The following EPPK1 variants were observed in gnomAD, a reference collection of about 807,000 sequenced individuals.
The protein encoded by EPPK1 is epiplakin.
For synonymous variants in EPPK1, 1,862 were observed against 1,721.2 expected (o/e 1.08, Z -2.03); for missense variants, 3,823 against 3,673.3 (o/e 1.04, Z -1.05).
chr8:143,866,678 G>C lies in EPPK1; in HGVS notation c.6576C>G (p.Ile2192Met). 6.2e-7 allele frequency: 1 copy of C among 1,613,240 alleles called. No individual in the cohort carries two copies. Among genetic ancestry groups the C allele is most frequent in the Non-Finnish European group, 8.5e-7 (1 of 1,179,852 alleles). ...TASELLSSAIITEEMLQDLET... is the reference protein window; with the variant it reads ...TASELLSSAIMTEEMLQDLET... ...CCAGGTCCTGGAGCATTTCCTCCGT[G>C]ATTATGGCTGAGCTGAGGAGTTCAG... The change falls in exon 2 of 2, where the codon ATC becomes ATG. Residue 2192 changes from isoleucine to methionine, a missense_variant. Coordinates refer to ENST00000615648, the MANE Select transcript of EPPK1 (RefSeq NM_031308.4).
In EPPK1 at chr8:143,873,008, C is replaced by G. The variant is rs1819407741; in HGVS notation, c.246G>C (p.Gly82=). ...GGCCCCGGGCGAGGTCCACCAGGCC[C>G]CCAGTGGCTGCCTGGGCCTCTAGCA... The part of the protein sequence containing the change: ...QALLEAQAAT[G]GLVDLARGQL... The change falls in exon 2 of 2, where the codon GGG becomes GGC. Residue 82 remains glycine, a synonymous_variant. Transcript: ENST00000615648. 2 of 1,576,120 alleles carry G rather than the reference C, an allele frequency of 1.3e-6. No individual in the cohort carries two copies. Among genetic ancestry groups the G allele is most frequent in the South Asian group, 1.1e-5 (1 of 87,178 alleles).
chr8:143,869,514 C>G lies in EPPK1; in HGVS notation c.3740G>C (p.Cys1247Ser), dbSNP rs531805402. The G allele has an allele frequency of 6.4e-7, 1 of 1,550,824 alleles. No homozygotes were observed. Among genetic ancestry groups the G allele is most frequent in the South Asian group, 1.2e-5 (1 of 84,232 alleles). Residue 1247 changes from cysteine (C) to serine (S), a missense_variant, in exon 2 of 2, where the codon TGC (cysteine) becomes TCC (serine). Cys to Ser is a moderately radical substitution (Grantham distance 112). Transcript: ENST00000615648. ...AVKACLWGTG[C>S]VAGVLLQPSG... is the part of the protein sequence containing the mutation. ...GGGCTGTAGCAGCACACCGGCCACG[C>G]AGCCTGTGCCCCACAGGCAGGCCTT...
At chr8:143,878,366 G>GC (rs1465683325) in intron 1 of EPPK1, 72 bp downstream of exon 1, 1 of 107,756 alleles carries the variant, frequency 9.3e-6, no homozygotes, top group African/African-American at 3.8e-5. Context: ...ACCCGCACCC[G>GC]CCGCACCTGC....
Position 143,869,887 on chromosome 8 carries a change from G to A in EPPK1, c.3367C>T (p.Pro1123Ser). The change falls in exon 2 of 2, where the codon CCC becomes TCC. Residue 1123 changes from proline (P) to serine (S), a missense_variant. Pro to Ser is a moderately conservative substitution (Grantham distance 74, BLOSUM62 -1). Transcript: ENST00000615648. ...CTCCTCTGGACCTGCTCCTCGGTGG[G>A]GAGGGCAGGAGCACTTTCTGGCAGG... ...LPLPESAPAL[P>S]TEEQVQRSLQ... 6.2e-7 allele frequency: 1 copy of A among 1,607,330 alleles called. No homozygotes were observed. The highest frequency in any genetic ancestry group is 8.5e-7 in the Non-Finnish European group (1 of 1,177,616).
rs1554660619 is a variant in EPPK1, at chr8:143,870,087, TG to T, written c.3166del (p.His1056ThrfsTer121). Reference sequence around the variant, plus strand: ...AATGGCCACTGGCATGGGGAGGTGGTGGTGGCTGGTGGGGTCAATGATCCCT... The same window carrying T: ...AATGGCCACTGGCATGGGGAGGTGGTGTGGCTGGTGGGGTCAATGATCCCT... ...TGGIIDPTSH[H>X]HLPMPVAIQR... On this transcript the variant is annotated frameshift_variant, in exon 2 of 2. Transcript: ENST00000615648. LOFTEE classifies it low-confidence loss of function (END_TRUNC). The surrounding 1 kb of genome is among the most constrained non-coding windows in gnomAD (Gnocchi z 5.2). 1 of 1,610,130 alleles carries T rather than the reference TG, an allele frequency of 6.2e-7. No homozygotes were observed. The highest frequency in any genetic ancestry group is 8.5e-7 in the Non-Finnish European group (1 of 1,178,842).
Position 143,867,304 on chromosome 8 carries a change from C to T in EPPK1, c.5950G>A (p.Gly1984Arg). Residue 1984 changes from glycine (G) to arginine (R), a missense_variant, in exon 2 of 2, where the codon GGA becomes AGA. By Grantham distance (125) the Gly-to-Arg change is moderately radical (BLOSUM62 -2). Transcript: ENST00000615648. ...GCCTGGAACAGCGGGATCGTGTCTC[C>T]TGTGGCCGGATCCCTGTAGCCCGTG... Reference protein sequence around the residue: ...AATGYRDPATGDTIPLFQAMQ... With the variant: ...AATGYRDPATRDTIPLFQAMQ... 6.2e-7 allele frequency: 1 copy of T among 1,612,602 alleles called. No homozygotes were observed. The highest frequency in any genetic ancestry group is 8.5e-7 in the Non-Finnish European group (1 of 1,179,732).
rs1554657935 is a variant in EPPK1, at chr8:143,858,039, G to C, written c.15215C>G (p.Ala5072Gly). The change falls in exon 2 of 2, where the codon GCC becomes GGC. Residue 5072 changes from alanine to glycine, a missense_variant. By Grantham distance (60) the Ala-to-Gly change is moderately conservative. Transcript: ENST00000615648. ...NLTYLQLLQR[A>G]TLDPETGLLF... is the part of the protein sequence containing the mutation. The stretch of plus-strand genomic sequence containing the variant: ...GAGCCCCGTCTCAGGGTCCAGGGTG[G>C]CCCTCTGCAGAAGCTGCAGGTACGT... 1 of 1,613,118 alleles carries C rather than the reference G, an allele frequency of 6.2e-7. No individual in the cohort carries two copies. The highest frequency in any genetic ancestry group is 1.1e-5 in the South Asian group (1 of 91,082).
chr8:143,872,167 C>A lies in EPPK1; in HGVS notation c.1087G>T (p.Val363Leu). Residue 363 changes from valine (V) to leucine (L), a missense_variant, in exon 2 of 2, where the codon GTG becomes TTG. Val to Leu is a conservative substitution (Grantham distance 32). Coordinates refer to ENST00000615648, the MANE Select transcript of EPPK1 (RefSeq NM_031308.4). ...HEQLLVAEQA[V>L]TGHHDPFSGS... ...CTGAAGGGGTCGTGGTGCCCTGTCA[C>A]GGCCTGCTCGGCCACCAGGAGCTGC... 6.3e-7 allele frequency: 1 copy of A among 1,587,384 alleles called. No individual in the cohort carries two copies. The highest frequency in any genetic ancestry group is 8.6e-7 in the Non-Finnish European group (1 of 1,167,630).
At position 143,873,043 on chromosome 8, in the gene EPPK1, C is replaced by G; in HGVS notation, c.211G>C (p.Gly71Arg). The change falls in exon 2 of 2, where the codon GGG becomes CGG. Residue 71 changes from glycine to arginine, a missense_variant. Gly to Arg is a moderately radical substitution (Grantham distance 125). Coordinates refer to ENST00000615648, the MANE Select transcript of EPPK1 (RefSeq NM_031308.4). The part of the protein sequence containing the change: ...MEQGLLPAGL[G>R]QALLEAQAAT... ...GCCTGGGCCTCTAGCAGAGCCTGCC[C>G]GAGCCCAGCAGGCAGGAGGCCCTGC... The G allele has an allele frequency of 6.4e-7, 1 of 1,564,602 alleles. No homozygotes were observed. Among genetic ancestry groups the G allele is most frequent in the Non-Finnish European group, 8.7e-7 (1 of 1,154,756 alleles).
At position 143,866,337 on chromosome 8, in the gene EPPK1, G is replaced by A; in HGVS notation, c.6917C>T (p.Ala2306Val). The change falls in exon 2 of 2, where the codon GCC (alanine) becomes GTC (valine). Residue 2306 changes from alanine to valine, a missense_variant. By Grantham distance (64) the Ala-to-Val change is moderately conservative. Coordinates refer to ENST00000615648, the MANE Select transcript of EPPK1 (RefSeq NM_031308.4). Reference protein sequence around the residue: ...IQEKLLSAERAVTGYTDPYTG... With the variant: ...IQEKLLSAERVVTGYTDPYTG... The stretch of plus-strand genomic sequence containing the variant: ...GTAGGGGTCGGTGTAGCCGGTGACG[G>A]CGCGCTCGGCCGACAGCAGCTTCTC... The A allele has an allele frequency of 2.1e-6, 1 of 470,222 alleles. No homozygotes were observed. The allele number at this position is 470,222 out of a possible 1,614,324, so 29.1% of individuals were successfully genotyped here. A position where few individuals can be genotyped will look rare whatever the true frequency, so the allele number is the denominator to read the frequency against.
Position 143,859,116 on chromosome 8 carries a change from T to C in EPPK1, c.14138A>G (p.Glu4713Gly), listed in dbSNP as rs1818983672. Residue 4713 changes from glutamate to glycine, a missense_variant, in exon 2 of 2, where the codon GAG (glutamate) becomes GGG (glycine). Glu to Gly is a moderately conservative substitution (Grantham distance 98). Coordinates refer to ENST00000615648, the MANE Select transcript of EPPK1 (RefSeq NM_031308.4). ...ALTRRLTAII[E>G]EAEEAPGARP... ...GGCCCCGGGGGCCTCCTCGGCCTCC[T>C]CGATGATGGCGGTCAGCCGGCGGGT... 2.7e-6 allele frequency: 1 copy of C among 370,366 alleles called. No homozygotes were observed. Among genetic ancestry groups the C allele is most frequent in the Non-Finnish European group, 4.8e-6 (1 of 210,072 alleles). The allele number at this position is 370,366 out of a possible 1,614,324, so 22.9% of individuals were successfully genotyped here. A position where few individuals can be genotyped will look rare whatever the true frequency, so the allele number is the denominator to read the frequency against.
In EPPK1 at chr8:143,869,028, C is replaced by A; in HGVS notation, c.4226G>T (p.Arg1409Leu). The A allele has an allele frequency of 6.2e-7, 1 of 1,610,118 alleles. No individual in the cohort carries two copies. The highest frequency in any genetic ancestry group is 8.5e-7 in the Non-Finnish European group (1 of 1,179,826). The change falls in exon 2 of 2, where the codon CGG becomes CTG. Residue 1409 changes from arginine to leucine, a missense_variant. By Grantham distance (102) the Arg-to-Leu change is moderately radical. Transcript: ENST00000615648. ...DNKFFFDPSA[R>L]DQVTYQQLRE... ...GAGCTGCTGGTAGGTCACCTGGTCC[C>A]GCGCACTGGGGTCAAAGAAGAACTT...
Position 143,858,041 on chromosome 8 carries a change from C to G in EPPK1, c.15213G>C (p.Arg5071Ser). Residue 5071 changes from arginine (R) to serine (S), a missense_variant, in exon 2 of 2, where the codon AGG becomes AGC. Coordinates refer to ENST00000615648, the MANE Select transcript of EPPK1 (RefSeq NM_031308.4). ...GCCCCGTCTCAGGGTCCAGGGTGGC[C>G]CTCTGCAGAAGCTGCAGGTACGTGA... is the stretch of plus-strand genomic sequence containing the variant. ...ENLTYLQLLQRATLDPETGLL... is the reference protein window; with the variant it reads ...ENLTYLQLLQSATLDPETGLL... The G allele has an allele frequency of 6.2e-7, 1 of 1,613,190 alleles. No homozygotes were observed. The highest frequency in any genetic ancestry group is 8.5e-7 in the Non-Finnish European group (1 of 1,179,934).
chr8:143,877,868 C>T (rs1819511207), intron 1 of EPPK1, among the ~76,000 whole-genome samples: 1 of 152,060 alleles, frequency 6.6e-6, no homozygotes, highest in African/African-American at 2.4e-5. Flanking sequence ...CCCTTCCTGC[C>T]TCTGCCTCCC....
Position 143,867,209 on chromosome 8 carries a change from A to AC in EPPK1, c.6044dup (p.Val2016CysfsTer82), listed in dbSNP as rs781861594. The AC allele has an allele frequency of 4.8e-5, 78 of 1,611,046 alleles. No individual in the cohort carries two copies. The Middle Eastern group carries it at 4.9e-4, about 10-fold the overall frequency. On this transcript the variant is annotated frameshift_variant, in exon 2 of 2. Transcript: ENST00000615648. LOFTEE classifies it low-confidence loss of function (END_TRUNC). ...GGTGGTGGTGCTGTGGGTCGATGAC[A>AC]CCCCCCGTGGCCACCTGCACCTCCA...
At position 143,868,599 on chromosome 8, in the gene EPPK1, G is replaced by T; in HGVS notation, c.4655C>A (p.Thr1552Lys). The change falls in exon 2 of 2, where the codon ACG (threonine) becomes AAG (lysine). Residue 1552 changes from threonine (T) to lysine (K), a missense_variant. Thr to Lys is a moderately conservative substitution (Grantham distance 78). Coordinates refer to ENST00000615648, the MANE Select transcript of EPPK1 (RefSeq NM_031308.4). ...CATCTCCGCCACCTCCTTCACAGTC[G>T]TTGTCCCCTGGCTCAGCTCGTCCAG... Reference protein sequence around the residue: ...KTLDELSQGTTTVKEVAEMDS... With the variant: ...KTLDELSQGTKTVKEVAEMDS... 6.2e-7 allele frequency: 1 copy of T among 1,603,496 alleles called. No individual in the cohort carries two copies. Among genetic ancestry groups the T allele is most frequent in the Admixed American group, 1.7e-5 (1 of 58,736 alleles).
Position 143,867,857 on chromosome 8 carries a change from C to G in EPPK1, c.5397G>C (p.Leu1799=), listed in dbSNP as rs372409375. ...CCTCTGTGAAGTATGGAGAGGACAG[C>G]AGGTCCCAGAAAGAGACCACCTGGT... ...FADQVVSFWD[L]LSSPYFTEDR... is the part of the protein sequence containing the mutation. The change falls in exon 2 of 2, where the codon CTG becomes CTC. Residue 1799 remains leucine, a synonymous_variant. Transcript: ENST00000615648. The G allele has an allele frequency of 1.2e-4, 198 of 1,613,052 alleles. 1 individual carries two copies. In the Admixed American group the frequency reaches 3.2e-3, roughly 26 times the overall value.
chr8:143,872,878 A>C lies in EPPK1; in HGVS notation c.376T>G (p.Tyr126Asp). ...AAGAGGGCCAGCTTCTCACCGCCGT[A>C]GGGGTCAGGATAGCCCGTAGTGGCA... ...ERATTGYPDP[Y>D]GGEKLALFQA... The change falls in exon 2 of 2, where the codon TAC (tyrosine) becomes GAC (aspartate). Residue 126 changes from tyrosine (Y) to aspartate (D), a missense_variant. By Grantham distance (160) the Tyr-to-Asp change is radical. Coordinates refer to ENST00000615648, the MANE Select transcript of EPPK1 (RefSeq NM_031308.4). The C allele has an allele frequency of 6.3e-7, 1 of 1,589,268 alleles. No individual in the cohort carries two copies. Among genetic ancestry groups the C allele is most frequent in the Non-Finnish European group, 8.6e-7 (1 of 1,168,126 alleles).
In EPPK1 at chr8:143,867,631, C is replaced by G. The variant is rs1554659543; in HGVS notation, c.5623G>C (p.Val1875Leu). The G allele has an allele frequency of 6.2e-7, 1 of 1,613,388 alleles. No individual in the cohort carries two copies. Among genetic ancestry groups the G allele is most frequent in the South Asian group, 1.1e-5 (1 of 91,088 alleles). ...IDQKTLHTLRVGRTGGQALST... is the reference protein window; with the variant it reads ...IDQKTLHTLRLGRTGGQALST... Reference sequence around the variant, plus strand: ...AGTGCCTGTCCCCCAGTCCTCCCCACACGAAGTGTGTGCAGGGTCTTCTGA... The same window carrying G: ...AGTGCCTGTCCCCCAGTCCTCCCCAGACGAAGTGTGTGCAGGGTCTTCTGA... Residue 1875 changes from valine (V) to leucine (L), a missense_variant, in exon 2 of 2, where the codon GTG (valine) becomes CTG (leucine). Coordinates refer to ENST00000615648, the MANE Select transcript of EPPK1 (RefSeq NM_031308.4).
Sources: allele counts gnomAD v4.1 joint callset (sites outside exome capture counted in the v4.1 genomes callset), GRCh38; gene constraint gnomAD v4.1.1; non-coding constraint Gnocchi (gnomAD v3.1); transcripts MANE v1.5; gene names NCBI Gene and HGNC (gene_info 2026-07-23, HGNC 2026-07-21).